The following PHRF1 variants were observed in gnomAD, a reference collection of about 807,000 sequenced individuals.
PHRF1 encodes PHD and ring finger domains 1, also known as PHD and RING finger domain-containing protein 1.
In PHRF1, 53 loss-of-function variants were observed where a neutral mutation model predicts 128.9. The ratio of observed to expected loss-of-function variants is 0.41; its 90% CI spans 0.33 to 0.52. PHRF1 has a LOEUF of 0.52. Ranked by LOEUF, PHRF1 falls within the 20% of genes least tolerant of loss-of-function variation. PHRF1 has a pLI of 0.21. For synonymous variants in PHRF1, 1,178 were observed against 980.6 expected (o/e 1.20, Z -3.76); for missense variants, 2,503 against 2,284.5 (o/e 1.10, Z -1.95).
Position 592,579 on chromosome 11 carries a change from A to G in PHRF1, c.525A>G (p.Lys175=). The change falls in exon 6 of 18, where the codon AAA becomes AAG. Residue 175 remains lysine (K), a synonymous_variant. Transcript: ENST00000264555. ...CCTAGATCCCAGTGGAGAACACCAA[A>G]GCGAGCGAGGAGGAGGAGGACCCGA... ...ILRKIPVENT[K]ASEEEEDPTF... 6.2e-7 allele frequency: 1 copy of G among 1,614,044 alleles called. No homozygotes were observed. Among genetic ancestry groups the G allele is most frequent in the Non-Finnish European group, 8.5e-7 (1 of 1,179,892 alleles).
In PHRF1 at chr11:601,602, G is replaced by A. The variant is rs2133029342; in HGVS notation, c.1053G>A (p.Lys351=). The change falls in exon 10 of 18, where the codon AAG becomes AAA. Residue 351 remains lysine, a synonymous_variant. Transcript: ENST00000264555. ...GACGGAAGAAAGTGCCGGGAAGAAA[G>A]AAAACCCCGTCCGGACCATCCGCAA... ...TRRRKKVPGR[K]KTPSGPSAKS... The A allele has an allele frequency of 5.6e-6, 9 of 1,613,702 alleles. No homozygotes were observed. The highest frequency in any genetic ancestry group is 7.6e-6 in the Non-Finnish European group (9 of 1,179,870).
intron 12 of PHRF1, among the ~76,000 whole-genome samples, 191 bp from the exon 13 acceptor site, chr11:606,251 T>A (rs1486862111): frequency 6.6e-6 from 1 of 152,112 alleles, no homozygotes; most frequent in African/African-American, 2.4e-5. Flanking sequence ...TGGGGCTCCC[T>A]CCCTCCCTCC....
intron 12 of PHRF1, among the ~76,000 whole-genome samples, chr11:606,018 C>T (rs918449848): frequency 1.3e-5 from 2 of 152,228 alleles, no homozygotes; most frequent in African/African-American, 2.4e-5. Flanking sequence ...GACACCGCCT[C>T]GGGCAGGAGC....
At chr11:596,832 T>G in intron 6 of PHRF1, 91 bp from the exon 7 acceptor site, 1 of 1,125,356 alleles carries the variant, frequency 8.9e-7, no homozygotes, top group South Asian at 1.3e-5. Context: ...TTGGGTGCCA[T>G]CGGAGGCCTG....
intron 1 of PHRF1, among the ~76,000 whole-genome samples, chr11:579,680 G>A (rs1406464223): frequency 1.3e-5 from 2 of 152,232 alleles, no homozygotes; most frequent in Non-Finnish European, 2.9e-5. Flanking sequence ...CTTGAGCGGG[G>A]ATCATGACCA....
rs559713124 is a variant in PHRF1 at position 609,622 on chromosome 11, C to T, written c.4166C>T (p.Ser1389Leu). 1.7e-5 allele frequency: 27 copies of T among 1,584,020 alleles called. No individual in the cohort carries two copies. The highest frequency in any genetic ancestry group is 3.4e-5 in the South Asian group (3 of 87,034). ...GCAGCCCGGCCTGAGGAGGTGGTTTCGCAGACCCCCCTGCTGCGGTCCAGA... is the reference window on the plus strand; with the variant it reads ...GCAGCCCGGCCTGAGGAGGTGGTTTTGCAGACCCCCCTGCTGCGGTCCAGA... The part of the protein sequence containing the change: ...QEAARPEEVV[S>L]QTPLLRSRAL... The change falls in exon 14 of 18, where the codon TCG becomes TTG. Residue 1389 changes from serine to leucine, a missense_variant. By Grantham distance (145) the Ser-to-Leu change is moderately radical. Transcript: ENST00000264555.
intron 9 of PHRF1, 124 bp downstream of exon 9, chr11:598,626 T>G: frequency 7.2e-7 from 1 of 1,398,170 alleles, no homozygotes; most frequent in South Asian, 1.5e-5. Context: ...TAATCTTCTC[T>G]GCTGAAAACA....
chr11:597,704 T>C lies in PHRF1; in HGVS notation c.894+134T>C. The C allele has an allele frequency of 2.4e-6, 3 of 1,231,422 alleles. No individual in the cohort carries two copies. Among genetic ancestry groups the C allele is most frequent in the Non-Finnish European group, 3.3e-6 (3 of 895,900 alleles). The allele number at this position is 1,231,422 out of a possible 1,614,324, so 76.3% of individuals were successfully genotyped here. A position where few individuals can be genotyped will look rare whatever the true frequency, so the allele number is the denominator to read the frequency against. On this transcript the variant is annotated intron_variant, in intron 8 of 17. Transcript: ENST00000264555. The surrounding 1 kb of genome is among the most constrained non-coding windows in gnomAD (Gnocchi z 6.5). ...CCCCGGTGGCTCATGTTGTTCGGCC[T>C]GCTGAGGGGAGCAGATGAGTGCACC...
chr11:598,723 A>C (rs36060383), intron 9 of PHRF1, among the ~76,000 whole-genome samples: 36,353 of 152,192 alleles, frequency 0.24, 4,700 homozygotes, highest in African/African-American at 0.33. Flanking sequence ...TGTCAGGGTG[A>C]TGCCGGCCTT....
At chr11:593,133 C>T (rs1337841094) in intron 6 of PHRF1, among the ~76,000 whole-genome samples, 1 of 152,240 alleles carries the variant, frequency 6.6e-6, no homozygotes, top group African/African-American at 2.4e-5. Flanking sequence ...AGAGCGCCTG[C>T]TCTGGCCCTG....
chr11:607,492 T>TCCAG lies in PHRF1; in HGVS notation c.2036_2037insCCAG (p.Pro680GlnfsTer11), dbSNP rs764496249. ...CCCAGAAGAACAGACATCTCTGAGC[T>TCCAG]ACCCAGGATACCAAAGATCAGGAGA... is the stretch of plus-strand genomic sequence containing the variant. On this transcript the variant is annotated frameshift_variant, in exon 14 of 18. Transcript: ENST00000264555. LOFTEE classifies it high-confidence loss of function. The TCCAG allele has an allele frequency of 1.2e-6, 2 of 1,612,806 alleles. No individual in the cohort carries two copies. Among genetic ancestry groups the TCCAG allele is most frequent in the Non-Finnish European group, 1.7e-6 (2 of 1,179,864 alleles).
At position 611,011 on chromosome 11, in the gene PHRF1, A is replaced by C; in HGVS notation, c.4735A>C (p.Lys1579Gln). The change falls in exon 17 of 18, where the codon AAG becomes CAG. Residue 1579 changes from lysine (K) to glutamine (Q), a missense_variant. By Grantham distance (53) the Lys-to-Gln change is moderately conservative (BLOSUM62 1). Transcript: ENST00000264555. ...RAVEEVKLAI[K>Q]PFYQKREVTK... ...TGTGGAGGAGGTGAAGCTGGCCATC[A>C]AGCCCTTCTACCAGAAGAGGGAGGT... The C allele has an allele frequency of 6.2e-7, 1 of 1,613,498 alleles. No homozygotes were observed. Among genetic ancestry groups the C allele is most frequent in the Non-Finnish European group, 8.5e-7 (1 of 1,179,810 alleles).
At chr11:585,236 T>C (rs1854465764) in intron 3 of PHRF1, among the ~76,000 whole-genome samples, 2 of 151,674 alleles carry the variant, frequency 1.3e-5, no homozygotes, top group Non-Finnish European at 2.9e-5. Context: ...GTAGTAGCCC[T>C]TTCCAGCTTG....
intron 9 of PHRF1, 94 bp downstream of exon 9, chr11:598,596 C>T (rs1855442654): frequency 1.4e-6 from 2 of 1,454,466 alleles, no homozygotes; most frequent in Admixed American, 2.5e-5. Context: ...TGGGCATTTC[C>T]ATTTCTTCTT....
At chr11:601,254 A>T (rs372401312) in intron 9 of PHRF1, among the ~76,000 whole-genome samples, 1 of 151,810 alleles carries the variant, frequency 6.6e-6, no homozygotes. Context: ...CCTGGGCAAC[A>T]TGATAAGCCC....
intron 2 of PHRF1, 92 bp from the exon 3 acceptor site, chr11:581,870 T>C (rs1285275697): frequency 2.8e-6 from 4 of 1,453,232 alleles, no homozygotes; most frequent in Non-Finnish European, 2.7e-6. Flanking sequence ...TGGCAGGTGC[T>C]CCTGACGCCT....
At position 603,726 on chromosome 11, in the gene PHRF1, TTTG is replaced by T. The variant is rs1395956616; in HGVS notation, c.1153-1390_1153-1388del. ...ATATTTATCTAAAACCATATTTAAG[TTTG>T]TTTTTTTTTTTTTTTTTTTTTTGAG... On this transcript the variant is annotated intron_variant, in intron 10 of 17. Transcript: ENST00000264555. Among the ~76,000 whole-genome samples the T allele has an allele frequency of 8.1e-3, 1,005 of 124,340 alleles. 31 individuals carry two copies. Among genetic ancestry groups the T allele is most frequent in the African/African-American group, 0.033 (932 of 28,372 alleles). The allele number at this position is 124,340 out of a possible 152,430, so 81.6% of individuals were successfully genotyped here. A position where few individuals can be genotyped will look rare whatever the true frequency, so the allele number is the denominator to read the frequency against.
In PHRF1 at chr11:601,693, A is replaced by C. The variant is rs1855636950; in HGVS notation, c.1144A>C (p.Lys382Gln). The C allele has an allele frequency of 6.2e-7, 1 of 1,613,656 alleles. No homozygotes were observed. ...TCGAGTGAAGAAGAGAAGAGGGAAG[A>C]AGGTAAAGGTGAGCATTGGGTGGCA... ...QHRVKKRRGK[K>Q]VKSEATTRSR... Residue 382 changes from lysine (K) to glutamine (Q), a missense_variant, in exon 10 of 18, where the codon AAG becomes CAG. Lys to Gln is a moderately conservative substitution (Grantham distance 53, BLOSUM62 1). Coordinates refer to ENST00000264555, the MANE Select transcript of PHRF1 (RefSeq NM_001286581.2).
chr11:606,642 T>C, intron 13 of PHRF1, 46 bp downstream of exon 13: 1 of 1,555,402 alleles, frequency 6.4e-7, no homozygotes. Flanking sequence ...GGGCTGCTGG[T>C]CCTCAGGCTG....
Sources: gnomAD v4.1 joint callset for allele counts (sites outside exome capture counted in the v4.1 genomes callset) on GRCh38, gnomAD v4.1.1 for gene constraint, Gnocchi (gnomAD v3.1) non-coding constraint, MANE v1.5 for transcripts, NCBI Gene and HGNC (gene_info 2026-07-23, HGNC 2026-07-21) for gene names.